The following SV2C variants were observed in gnomAD, a reference collection of about 807,000 sequenced individuals.
SV2C encodes synaptic vesicle glycoprotein 2C.
A neutral mutation model predicts 79.7 loss-of-function variants in SV2C; 49 were observed. That is an observed-to-expected ratio of 0.61 (90% CI 0.49 to 0.78). The LOEUF is 0.78. Ranked by LOEUF, SV2C falls within the 30% of genes least tolerant of loss-of-function variation. The probability of loss-of-function intolerance (pLI) is 0.00; values close to 1 mark genes in which losing one functional copy is unlikely to be tolerated. For synonymous variants in SV2C, 334 were observed against 333.2 expected, an observed-to-expected ratio of 1.00 and a Z score of -0.03; for missense variants, 833 against 912.9, an observed-to-expected ratio of 0.91 and a Z score of 1.13.
the SV2C span, among the ~76,000 whole-genome samples, chr5:75,848,456 G>A: frequency 0.017 from 2,554 of 152,298 alleles, 71 homozygotes; most frequent in African/African-American, 0.053. Context: ...GATGAAGGAA[G>A]ACAGAACATT....
At chr5:75,956,072 T>C in the SV2C span, among the ~76,000 whole-genome samples, 1 of 142,216 alleles carries the variant, frequency 7.0e-6, no homozygotes, top group African/African-American at 2.6e-5. Flanking sequence ...CTATAAATCA[T>C]GCTGCTATAA....
chr5:76,276,251 G>T (rs1747018929), intron 4 of SV2C, among the ~76,000 whole-genome samples: 1 of 152,172 alleles, frequency 6.6e-6, no homozygotes, highest in Non-Finnish European at 1.5e-5. Context: ...GTTTAACCCA[G>T]AGAATGGTAT....
the SV2C span, among the ~76,000 whole-genome samples, chr5:75,851,956 C>T: frequency 1.6e-4 from 24 of 152,204 alleles, no homozygotes; most frequent in Admixed American, 5.9e-4. Context: ...AGCCACCGCG[C>T]CTGGCCGAAA....
At chr5:75,927,556 A>C in the SV2C span, among the ~76,000 whole-genome samples, 1 of 152,150 alleles carries the variant, frequency 6.6e-6, no homozygotes, top group African/African-American at 2.4e-5. Context: ...CAAGATGAGA[A>C]AGTACTAGAT....
the SV2C span, among the ~76,000 whole-genome samples, chr5:75,986,464 A>G: frequency 6.6e-6 from 1 of 151,922 alleles, no homozygotes; most frequent in South Asian, 2.1e-4. Flanking sequence ...CAGAGCCTCC[A>G]GAAGGAATCA....
the SV2C span, among the ~76,000 whole-genome samples, chr5:75,874,289 A>T: frequency 5.7e-4 from 87 of 152,306 alleles, no homozygotes; most frequent in Middle Eastern, 6.8e-3. Context: ...CATAAAAAGA[A>T]CTAAAGACAA....
chr5:76,120,808 A>T (rs529593344), intron 1 of SV2C, among the ~76,000 whole-genome samples: 1 of 150,710 alleles, frequency 6.6e-6, no homozygotes, highest in East Asian at 1.9e-4. Flanking sequence ...TGCTATTGTG[A>T]ATAGTGCCAC....
At chr5:76,135,715 A>AGG (rs1749045849) in intron 2 of SV2C, among the ~76,000 whole-genome samples, 1 of 152,320 alleles carries the variant, frequency 6.6e-6, no homozygotes, top group Admixed American at 6.5e-5. Context: ...CCTGGTCACA[A>AGG]GGCAGGCTTT....
At chr5:76,215,604 GC>G (rs1241992830) in intron 4 of SV2C, among the ~76,000 whole-genome samples, 1 of 152,164 alleles carries the variant, frequency 6.6e-6, no homozygotes, top group Non-Finnish European at 1.5e-5. Flanking sequence ...TATAAATGAT[GC>G]CACAGTCCAC....
chr5:75,917,239 G>A, the SV2C span, among the ~76,000 whole-genome samples: 1 of 152,100 alleles, frequency 6.6e-6, no homozygotes, highest in African/African-American at 2.4e-5. Flanking sequence ...TAACCAGCCT[G>A]CCACCAAACC....
chr5:76,090,830 A>G (rs531760189), intron 1 of SV2C, among the ~76,000 whole-genome samples: 5 of 152,226 alleles, frequency 3.3e-5, no homozygotes, highest in Admixed American at 6.5e-5. Context: ...AATATCTGAG[A>G]TGTTTTATTC....
intron 12 of SV2C, among the ~76,000 whole-genome samples, chr5:76,315,277 T>A (rs924844972): frequency 5.3e-5 from 8 of 151,910 alleles, no homozygotes; most frequent in Admixed American, 3.3e-4. Context: ...AGAAAACAAT[T>A]GCATTCAGTC....
chr5:76,099,365 CGTGTGTGT>C (rs10582798), intron 1 of SV2C, among the ~76,000 whole-genome samples: 6 of 148,502 alleles, frequency 4.0e-5, no homozygotes, highest in South Asian at 2.2e-4. Context: ...TTCTTTTGCT[CGTGTGTGT>C]GTGTGTGTGT....
chr5:75,864,652 T>A, the SV2C span, among the ~76,000 whole-genome samples: 4 of 152,222 alleles, frequency 2.6e-5, no homozygotes, highest in South Asian at 2.1e-4. Context: ...TGAGAGCTGG[T>A]ACTTCTCCAT....
chr5:75,918,223 C>T, the SV2C span, among the ~76,000 whole-genome samples: 5 of 152,318 alleles, frequency 3.3e-5, no homozygotes, highest in Admixed American at 6.5e-5. Flanking sequence ...CCTTGTGATA[C>T]TCAAGGAAAA....
Position 76,281,668 on chromosome 5 carries a change from T to G in SV2C, c.914-3494T>G, listed in dbSNP as rs569019383. 7.2e-5 allele frequency among the ~76,000 whole-genome samples: 11 copies of G among 152,294 alleles called. No homozygotes were observed. The South Asian group carries it at 2.3e-3, about 32-fold the overall frequency. On this transcript the variant is annotated intron_variant, in intron 4 of 12. Transcript: ENST00000502798. ...GGCTCTAGGAGAGATTATGTGTTCTTGTCTTTCCAGCTTCTACCAGCCACC... is the reference window on the plus strand; with the variant it reads ...GGCTCTAGGAGAGATTATGTGTTCTGGTCTTTCCAGCTTCTACCAGCCACC...
At chr5:75,880,186 G>A in the SV2C span, among the ~76,000 whole-genome samples, 3 of 147,522 alleles carry the variant, frequency 2.0e-5, no homozygotes, top group Admixed American at 2.0e-4. Context: ...TGCCTTCAAT[G>A]CCTTTTTTTT....
the SV2C span, among the ~76,000 whole-genome samples, chr5:75,999,904 C>G: frequency 7.2e-5 from 11 of 152,064 alleles, no homozygotes; most frequent in Non-Finnish European, 1.0e-4. Flanking sequence ...GACAGAGAGG[C>G]AATATCTTTT....
chr5:75,876,056 A>T, the SV2C span, among the ~76,000 whole-genome samples: 1 of 152,192 alleles, frequency 6.6e-6, no homozygotes, highest in African/African-American at 2.4e-5. Flanking sequence ...CAACCCAGCA[A>T]TGCAATTACT....
Sources: gnomAD v4.1 joint callset for allele counts (sites outside exome capture counted in the v4.1 genomes callset) on GRCh38, gnomAD v4.1.1 for gene constraint, MANE v1.5 for transcripts, NCBI Gene and HGNC (gene_info 2026-07-23, HGNC 2026-07-21) for gene names.